The following ATAD2B variants were observed in gnomAD, a reference collection of about 807,000 sequenced individuals.
ATAD2B encodes ATPase family AAA domain containing 2B.
ATAD2B carries 40 observed loss-of-function variants against 167.6 expected under a neutral mutation model. The ratio of observed to expected loss-of-function variants is 0.24; its 90% CI spans 0.19 to 0.31. The LOEUF (loss-of-function observed/expected upper bound fraction) is 0.31, where lower values mean the gene tolerates loss of function less well. ATAD2B is among the 10% of genes least tolerant of loss of function. The probability of loss-of-function intolerance (pLI) is 1.00; values close to 1 mark genes in which losing one functional copy is unlikely to be tolerated. For missense variants in ATAD2B, 1,242 were observed against 1,757.2 expected (o/e 0.71, Z 5.24); for synonymous variants, 579 against 596.5 (o/e 0.97, Z 0.43).
the ATAD2B span, among the ~76,000 whole-genome samples, chr2:23,679,901 C>T: frequency 6.6e-6 from 1 of 151,862 alleles, no homozygotes; most frequent in African/African-American, 2.4e-5. Context: ...AAGATCCAGG[C>T]GGAGGGGACG....
At chr2:23,881,783 G>A (rs771263555) in intron 6 of ATAD2B, among the ~76,000 whole-genome samples, 4 of 151,482 alleles carry the variant, frequency 2.6e-5, no homozygotes, top group Non-Finnish European at 5.9e-5. Context: ...GAGTGCAATG[G>A]CGCGATCTCA....
In ATAD2B at chr2:23,857,428, CTT is replaced by C; in HGVS notation, c.1553_1554del (p.Gln518ArgfsTer20). The C allele has an allele frequency of 6.6e-7, 1 of 1,509,814 alleles. No individual in the cohort carries two copies. Among genetic ancestry groups the C allele is most frequent in the Non-Finnish European group, 8.8e-7 (1 of 1,134,634 alleles). The allele number at this position is 1,509,814 out of a possible 1,614,324, so 93.5% of individuals were successfully genotyped here. A position where few individuals can be genotyped will look rare whatever the true frequency, so the allele number is the denominator to read the frequency against. ...DGLAPVRSSR[Q>X]DQIHSSIVST... ...AAGAAAAATTACCTGTGGATCTGAT[CTT>C]GTCTGCTAGAGCGAACTGGAGCTAA... On this transcript the variant is annotated frameshift_variant, in exon 13 of 28. Transcript: ENST00000238789. LOFTEE classifies it high-confidence loss of function.
the ATAD2B span, chr2:23,695,926 A>G: frequency 6.5e-7 from 1 of 1,548,352 alleles, no homozygotes; most frequent in Non-Finnish European, 8.7e-7. The surrounding 1 kb of genome is among the most constrained non-coding windows in gnomAD (Gnocchi z 7.6). Flanking sequence ...GTGTGTCCCA[A>G]GGGCGCCCAT....
intron 4 of ATAD2B, among the ~76,000 whole-genome samples, chr2:23,886,360 T>C (rs4665245): frequency 0.45 from 68,451 of 151,932 alleles, 16,318 homozygotes; most frequent in East Asian, 0.78. Context: ...ACTTTTTAAA[T>C]ATAAGGCTTT....
chr2:23,822,688 G>T (rs1214193245), intron 16 of ATAD2B, among the ~76,000 whole-genome samples: 2 of 151,886 alleles, frequency 1.3e-5, no homozygotes, highest in African/African-American at 4.8e-5. Context: ...GGCCAAGGTG[G>T]GAAGATCACC....
intron 19 of ATAD2B, among the ~76,000 whole-genome samples, chr2:23,790,047 A>AAAC (rs1681414403): frequency 1.3e-5 from 2 of 152,210 alleles, no homozygotes; most frequent in Non-Finnish European, 2.9e-5. Context: ...GTGTCGTTCC[A>AAAC]GTGCTTTTGT....
downstream of ATAD2B, among the ~76,000 whole-genome samples, chr2:23,746,646 G>A (rs1003346426): frequency 5.9e-5 from 9 of 152,278 alleles, no homozygotes; most frequent in South Asian, 1.9e-3. Flanking sequence ...ATAGGTATGA[G>A]ACATGCTTAG....
intron 19 of ATAD2B, among the ~76,000 whole-genome samples, chr2:23,792,962 C>CAAAAAAAAAAAAAAAAAAA (rs36015161): frequency 4.7e-5 from 2 of 42,556 alleles, no homozygotes; most frequent in Non-Finnish European, 3.9e-5. Flanking sequence ...GACTCTGTCT[C>CAAAAAAAAAAAAAAAAAAA]AAAAAAAAAA....
At chr2:23,745,031 A>T (rs1674754386), downstream of ATAD2B, among the ~76,000 whole-genome samples, 2 of 152,154 alleles carry the variant, frequency 1.3e-5, no homozygotes, top group East Asian at 3.9e-4. Flanking sequence ...CACGCTTGTA[A>T]TCCCAGCACT....
intron 18 of ATAD2B, among the ~76,000 whole-genome samples, chr2:23,809,739 G>C (rs1367956621): frequency 1.3e-5 from 2 of 152,050 alleles, no homozygotes; most frequent in Admixed American, 1.3e-4. Flanking sequence ...CTCATCCCTA[G>C]TTTCAATATG....
the ATAD2B span, among the ~76,000 whole-genome samples, chr2:23,679,451 A>G: frequency 6.6e-6 from 1 of 152,184 alleles, no homozygotes; most frequent in Non-Finnish European, 1.5e-5. Context: ...AAGTGAGCAA[A>G]GCTTCTTAAG....
At chr2:23,847,364 C>T (rs1164422639) in intron 13 of ATAD2B, among the ~76,000 whole-genome samples, 5 of 151,970 alleles carry the variant, frequency 3.3e-5, no homozygotes, top group Non-Finnish European at 7.4e-5. Context: ...ATTAGCCAGG[C>T]GTGGTTGGTA....
At chr2:23,693,770 G>A in the ATAD2B span, among the ~76,000 whole-genome samples, 2 of 152,242 alleles carry the variant, frequency 1.3e-5, no homozygotes, top group South Asian at 2.1e-4. Flanking sequence ...TCTGCAGGGA[G>A]AAGTGGGTCC....
intron 8 of ATAD2B, among the ~76,000 whole-genome samples, chr2:23,873,627 G>C (rs1474408599): frequency 1.3e-5 from 2 of 152,042 alleles, no homozygotes; most frequent in Non-Finnish European, 2.9e-5. Context: ...TGTATTTTTT[G>C]TTGTTGTATT....
intron 19 of ATAD2B, among the ~76,000 whole-genome samples, chr2:23,797,415 C>T (rs543064006): frequency 6.6e-5 from 10 of 152,132 alleles, no homozygotes; most frequent in East Asian, 5.8e-4. Context: ...TTGAAAAATA[C>T]GTGTATTAGT....
chr2:23,923,996 C>T (rs1034673291), intron 1 of ATAD2B, among the ~76,000 whole-genome samples: 1 of 152,176 alleles, frequency 6.6e-6, no homozygotes, highest in Admixed American at 6.5e-5. Context: ...TCCTGGCTAA[C>T]ACCGTGAAAC....
intron 1 of ATAD2B, among the ~76,000 whole-genome samples, chr2:23,902,123 T>C (rs1470159804): frequency 6.6e-6 from 1 of 152,116 alleles, no homozygotes; most frequent in Non-Finnish European, 1.5e-5. Context: ...TCTCTGGAGG[T>C]GAAACGTTTT....
At chr2:23,919,159 A>G (rs2150649894) in intron 1 of ATAD2B, among the ~76,000 whole-genome samples, 1 of 151,220 alleles carries the variant, frequency 6.6e-6, no homozygotes, top group South Asian at 2.1e-4. Context: ...CCTGGCCAAC[A>G]TAAAAAGACC....
At chr2:23,705,082 G>A in the ATAD2B span, among the ~76,000 whole-genome samples, 2 of 152,256 alleles carry the variant, frequency 1.3e-5, no homozygotes, top group African/African-American at 4.8e-5. Flanking sequence ...TCCATGTCAT[G>A]TACCCTAATG....
Sources: allele counts gnomAD v4.1 joint callset (sites outside exome capture counted in the v4.1 genomes callset), GRCh38; gene constraint gnomAD v4.1.1; non-coding constraint Gnocchi (gnomAD v3.1); transcripts MANE v1.5; gene names NCBI Gene and HGNC (gene_info 2026-07-23, HGNC 2026-07-21).